Variants in EYS observed in about 807,000 individuals in gnomAD.
EYS encodes the protein protein eyes shut homolog.
In EYS, 250 loss-of-function variants were observed where a neutral mutation model predicts 282.1. The ratio of observed to expected loss-of-function variants is 0.89; its 90% CI spans 0.80 to 0.98. The LOEUF (loss-of-function observed/expected upper bound fraction) is 0.98. Ranked by LOEUF, EYS falls within the 50% of genes least tolerant of loss-of-function variation. The pLI, the probability that EYS is intolerant of heterozygous loss-of-function variation, is 0.00. For synonymous variants in EYS, 1,355 were observed against 1,282.9 expected, an observed-to-expected ratio of 1.06 and a Z score of -1.20; for missense variants, 4,016 against 3,709.0, an observed-to-expected ratio of 1.08 and a Z score of -2.15.
chr6:64,339,179 C>T (rs1314915986), intron 29 of EYS, among the ~76,000 whole-genome samples: 1 of 151,818 alleles, frequency 6.6e-6, no homozygotes, highest in Admixed American at 6.6e-5. Flanking sequence ...GAACAGTCAG[C>T]AGAGTAAACA....
intron 26 of EYS, among the ~76,000 whole-genome samples, chr6:64,488,455 G>A (rs371031034): frequency 2.6e-5 from 4 of 151,168 alleles, no homozygotes; most frequent in Admixed American, 2.0e-4. Context: ...GGGACACCCA[G>A]TTTACTGTGT....
chr6:63,877,183 A>C (rs541595422), intron 35 of EYS, among the ~76,000 whole-genome samples: 5 of 152,294 alleles, frequency 3.3e-5, no homozygotes, highest in Admixed American at 2.6e-4. Context: ...AAAATCTCTC[A>C]GCATTTGCTT....
intron 33 of EYS, among the ~76,000 whole-genome samples, chr6:64,005,348 C>T (rs2149807212): frequency 6.6e-6 from 1 of 152,188 alleles, no homozygotes; most frequent in South Asian, 2.1e-4. Context: ...AACTTAAGTT[C>T]CTTACTGAAT....
intron 12 of EYS, among the ~76,000 whole-genome samples, chr6:65,244,059 C>T (rs937581131): frequency 6.6e-6 from 1 of 152,160 alleles, no homozygotes; most frequent in African/African-American, 2.4e-5. Context: ...CTATTGAACG[C>T]TCACTCTGAT....
At chr6:64,858,079 A>G (rs934107132) in intron 19 of EYS, among the ~76,000 whole-genome samples, 2 of 151,960 alleles carry the variant, frequency 1.3e-5, no homozygotes, top group African/African-American at 2.4e-5. Context: ...AGTTCCTTTG[A>G]TATGCAGAAA....
intron 12 of EYS, among the ~76,000 whole-genome samples, chr6:65,283,399 C>T (rs1768276206): frequency 1.3e-5 from 2 of 151,910 alleles, no homozygotes; most frequent in Non-Finnish European, 2.9e-5. Context: ...TTATATCTTA[C>T]TTTTGATTAT....
chr6:65,619,028 C>T (rs906795331), intron 2 of EYS, among the ~76,000 whole-genome samples: 9 of 152,200 alleles, frequency 5.9e-5, no homozygotes, highest in South Asian at 2.1e-4. Context: ...ATTGACTTGG[C>T]GATGCGGGCT....
At chr6:64,002,440 C>T (rs1458698663) in intron 33 of EYS, among the ~76,000 whole-genome samples, 2 of 152,226 alleles carry the variant, frequency 1.3e-5, no homozygotes, top group East Asian at 1.9e-4. Context: ...GATTAACACA[C>T]AAGCCATCCA....
At chr6:64,906,234 T>G (rs902163551) in intron 16 of EYS, among the ~76,000 whole-genome samples, 3 of 151,784 alleles carry the variant, frequency 2.0e-5, no homozygotes, top group Non-Finnish European at 2.9e-5. Flanking sequence ...ATATTTCCAA[T>G]AGTCTCTAAT....
intron 2 of EYS, among the ~76,000 whole-genome samples, chr6:65,503,168 A>AT (rs963253245): frequency 1.3e-5 from 2 of 151,770 alleles, no homozygotes; most frequent in Non-Finnish European, 3.0e-5. Context: ...AGCCATTTAA[A>AT]TAGGTATTTA....
At chr6:64,275,351 T>C (rs1032459361) in intron 30 of EYS, among the ~76,000 whole-genome samples, 1 of 151,958 alleles carries the variant, frequency 6.6e-6, no homozygotes, top group Non-Finnish European at 1.5e-5. Context: ...TAAAGACATA[T>C]ATAATATAAT....
chr6:64,606,126 TA>T (rs576988772), intron 24 of EYS, among the ~76,000 whole-genome samples: 1 of 151,830 alleles, frequency 6.6e-6, no homozygotes, highest in Non-Finnish European at 1.5e-5. Context: ...TTTCTTAGGA[TA>T]AAAAAAATCT....
intron 2 of EYS, among the ~76,000 whole-genome samples, chr6:65,532,627 C>T (rs974678851): frequency 1.3e-5 from 2 of 152,028 alleles, no homozygotes; most frequent in African/African-American, 4.8e-5. Context: ...AAAGCAGCCT[C>T]GATTTCACAC....
intron 1 of EYS, among the ~76,000 whole-genome samples, chr6:65,705,764 A>G (rs1406268332): frequency 1.3e-5 from 2 of 152,150 alleles, no homozygotes; most frequent in African/African-American, 4.8e-5. Flanking sequence ...TCCTTTCTAA[A>G]TAGTAAAATG....
At chr6:65,083,142 A>C (rs2150172652) in intron 12 of EYS, among the ~76,000 whole-genome samples, 1 of 152,130 alleles carries the variant, frequency 6.6e-6, no homozygotes, top group African/African-American at 2.4e-5. Flanking sequence ...AGCTCCACTG[A>C]AGCAGGAAAC....
chr6:65,141,669 A>G (rs1422586035), intron 12 of EYS, among the ~76,000 whole-genome samples: 1 of 151,456 alleles, frequency 6.6e-6, no homozygotes, highest in African/African-American at 2.4e-5. Flanking sequence ...CTATCTATCT[A>G]TCTATCTATC....
At chr6:65,403,010 G>A (rs1216399244) in intron 6 of EYS, among the ~76,000 whole-genome samples, 1 of 151,954 alleles carries the variant, frequency 6.6e-6, no homozygotes, top group Non-Finnish European at 1.5e-5. Flanking sequence ...TGGCTAATAG[G>A]CCCAGTTCTG....
At chr6:64,327,060 T>C (rs1173347990) in intron 29 of EYS, among the ~76,000 whole-genome samples, 1 of 151,654 alleles carries the variant, frequency 6.6e-6, no homozygotes, top group African/African-American at 2.4e-5. Flanking sequence ...AGGAGGTGTG[T>C]GAAAGTGTGT....
chr6:64,322,524 G>C (rs1174310412), intron 29 of EYS, among the ~76,000 whole-genome samples: 1 of 151,972 alleles, frequency 6.6e-6, no homozygotes, highest in Non-Finnish European at 1.5e-5. Flanking sequence ...ATATCTCAGA[G>C]AGAAGGAAAG....
Sources: gnomAD v4.1 joint callset for allele counts (sites outside exome capture counted in the v4.1 genomes callset) on GRCh38, gnomAD v4.1.1 for gene constraint, MANE v1.5 for transcripts, NCBI Gene and HGNC (gene_info 2026-07-23, HGNC 2026-07-21) for gene names.